Variants in MAP4K4 observed in about 807,000 individuals in gnomAD.
The protein encoded by MAP4K4 is mitogen-activated protein kinase kinase kinase kinase 4.
A neutral mutation model predicts 189.6 loss-of-function variants in MAP4K4; 38 were observed. The ratio of observed to expected loss-of-function variants is 0.20; its 90% CI spans 0.15 to 0.26. The LOEUF (loss-of-function observed/expected upper bound fraction) is 0.26. MAP4K4 is among the 10% of genes least tolerant of loss of function. The pLI, the probability that MAP4K4 is intolerant of heterozygous loss-of-function variation, is 1.00. For missense variants in MAP4K4, 1,054 were observed against 1,726.9 expected, an observed-to-expected ratio of 0.61 and a Z score of 6.91; for synonymous variants, 610 against 624.3, an observed-to-expected ratio of 0.98 and a Z score of 0.34.
At chr2:101,771,047 A>G (rs1388426123) in intron 2 of MAP4K4, among the ~76,000 whole-genome samples, 2 of 152,192 alleles carry the variant, frequency 1.3e-5, no homozygotes, top group Admixed American at 6.5e-5. Flanking sequence ...CACAACTAAA[A>G]CAGTATCTGC....
chr2:101,797,295 T>G (rs539066052), intron 3 of MAP4K4: 5 of 1,290,836 alleles, frequency 3.9e-6, no homozygotes, highest in Admixed American at 2.3e-5. Context: ...CGTACTGGCT[T>G]CTTCTGTTTT....
chr2:101,718,281 G>A (rs2049612777), intron 2 of MAP4K4, among the ~76,000 whole-genome samples: 1 of 150,560 alleles, frequency 6.6e-6, no homozygotes, highest in Admixed American at 6.6e-5. Flanking sequence ...AAGCTATCTT[G>A]AGTACTGACA....
chr2:101,736,304 G>T (rs1303291982), intron 2 of MAP4K4, among the ~76,000 whole-genome samples: 1 of 152,202 alleles, frequency 6.6e-6, no homozygotes, highest in Non-Finnish European at 1.5e-5. Flanking sequence ...CCCACCTAAT[G>T]CGTGGCCCTC....
chr2:101,891,320 C>A, exon 33 of MAP4K4: 1 of 1,393,698 alleles, frequency 7.2e-7, no homozygotes, highest in Non-Finnish European at 1.0e-6. Context: ...TTCCTTGTAA[C>A]TGGAGCTCGG....
intron 2 of MAP4K4, among the ~76,000 whole-genome samples, chr2:101,700,318 C>T (rs2037679954): frequency 1.3e-5 from 2 of 152,216 alleles, no homozygotes; most frequent in Non-Finnish European, 2.9e-5. Flanking sequence ...CCATTCCCCG[C>T]AACCTTCCCG....
intron 27 of MAP4K4, among the ~76,000 whole-genome samples, chr2:101,879,359 A>G (rs2098313875): frequency 1.3e-5 from 2 of 151,496 alleles, no homozygotes; most frequent in African/African-American, 4.8e-5. Flanking sequence ...AGCTTCAAAA[A>G]TAGAAGAAAC....
intron 23 of MAP4K4, 40 bp downstream of exon 23, chr2:101,870,455 C>T (rs775801302): frequency 6.2e-7 from 1 of 1,609,652 alleles, no homozygotes; most frequent in Non-Finnish European, 8.5e-7. Context: ...TGAGCTTCTC[C>T]TGTGGTCATT....
At chr2:101,737,337 A>G (rs2060618807) in intron 2 of MAP4K4, among the ~76,000 whole-genome samples, 1 of 148,952 alleles carries the variant, frequency 6.7e-6, no homozygotes, top group Admixed American at 6.8e-5. Context: ...TTTTTTGATT[A>G]AATTGTGCTG....
intron 2 of MAP4K4, among the ~76,000 whole-genome samples, chr2:101,750,459 A>G (rs975866192): frequency 9.0e-5 from 13 of 145,096 alleles, no homozygotes; most frequent in East Asian, 2.1e-4. Flanking sequence ...GAATAGAACA[A>G]TGAGATCACA....
At chr2:101,804,722 T>C (rs545334520) in intron 3 of MAP4K4, among the ~76,000 whole-genome samples, 1 of 152,342 alleles carries the variant, frequency 6.6e-6, no homozygotes, top group African/African-American at 2.4e-5. Context: ...TACTTGCCTT[T>C]GTCTATATGA....
intron 21 of MAP4K4, 80 bp from the exon 22 acceptor site, chr2:101,869,542 T>C: frequency 8.7e-7 from 1 of 1,150,338 alleles, no homozygotes; most frequent in Non-Finnish European, 1.3e-6. Flanking sequence ...ATTGTGGCAA[T>C]TTATGGTTAA....
intron 3 of MAP4K4, among the ~76,000 whole-genome samples, chr2:101,815,705 T>C (rs988786787): frequency 1.3e-5 from 2 of 152,204 alleles, no homozygotes; most frequent in Admixed American, 1.3e-4. Flanking sequence ...TTCGAAGATT[T>C]GATTTTGGGA....
chr2:101,810,215 T>C (rs1324319312), intron 3 of MAP4K4, among the ~76,000 whole-genome samples: 2 of 152,250 alleles, frequency 1.3e-5, no homozygotes, highest in Non-Finnish European at 1.5e-5. Flanking sequence ...CAAAGATTGC[T>C]GTGTCTAAGA....
intron 2 of MAP4K4, among the ~76,000 whole-genome samples, chr2:101,736,302 A>T (rs1005965672): frequency 2.6e-5 from 4 of 152,226 alleles, no homozygotes; most frequent in Admixed American, 1.3e-4. Flanking sequence ...GGCCCACCTA[A>T]TGCGTGGCCC....
At position 101,711,243 on chromosome 2, in the gene MAP4K4, A is replaced by C. The variant is rs376938956; in HGVS notation, c.123+12705A>C. ...TGGTGTACAGGTTTGTGATATTCACATAGTTTTTAATAAGTTTCTGTAGTT... is the reference window on the plus strand; with the variant it reads ...TGGTGTACAGGTTTGTGATATTCACCTAGTTTTTAATAAGTTTCTGTAGTT... On this transcript the variant is annotated intron_variant, in intron 2 of 32. Transcript: ENST00000324219. Among the ~76,000 whole-genome samples, 6 of 152,340 alleles carry C rather than the reference A, an allele frequency of 3.9e-5. No individual in the cohort carries two copies. In the East Asian group the frequency reaches 7.7e-4, roughly 20 times the overall value.
At chr2:101,870,267 C>G in intron 22 of MAP4K4, 28 bp from the exon 23 acceptor site, 1 of 1,608,644 alleles carries the variant, frequency 6.2e-7, no homozygotes, top group Non-Finnish European at 8.5e-7. Flanking sequence ...AGATTAAGGC[C>G]TTTCACGTCT....
intron 3 of MAP4K4, among the ~76,000 whole-genome samples, chr2:101,808,954 C>T (rs888829511): frequency 6.6e-6 from 1 of 152,044 alleles, no homozygotes; most frequent in Admixed American, 6.6e-5. Context: ...CCAGTCTTTG[C>T]GGAGTAAAGC....
At chr2:101,764,059 C>G (rs2077543209) in intron 2 of MAP4K4, among the ~76,000 whole-genome samples, 1 of 151,936 alleles carries the variant, frequency 6.6e-6, no homozygotes, top group African/African-American at 2.4e-5. Context: ...ACTGTATTTA[C>G]AGGGAAGTCT....
chr2:101,722,133 G>A (rs2052527847), intron 2 of MAP4K4, among the ~76,000 whole-genome samples: 1 of 152,158 alleles, frequency 6.6e-6, no homozygotes, highest in Admixed American at 6.5e-5. Context: ...ATCTTGGGGA[G>A]CTTTAAAGTC....
Sources: allele counts gnomAD v4.1 joint callset (sites outside exome capture counted in the v4.1 genomes callset), GRCh38; gene constraint gnomAD v4.1.1; transcripts MANE v1.5; gene names NCBI Gene and HGNC (gene_info 2026-07-23, HGNC 2026-07-21).